RNF13: variants seen among roughly 807,000 people sequenced by gnomAD.
RNF13 encodes ring finger protein 13, also known as E3 ubiquitin-protein ligase RNF13.
A neutral mutation model predicts 37.7 loss-of-function variants in RNF13; 19 were observed. That is an observed-to-expected ratio of 0.50 (90% CI 0.35 to 0.74). The LOEUF (loss-of-function observed/expected upper bound fraction) is 0.74, where lower values mean the gene tolerates loss of function less well. Among genes scored for constraint, RNF13 ranks in the 30% least tolerant of loss-of-function variants. The pLI is 0.01. For synonymous variants in RNF13, 144 were observed against 157.8 expected, an observed-to-expected ratio of 0.91 and a Z score of 0.65; for missense variants, 375 against 453.0, an observed-to-expected ratio of 0.83 and a Z score of 1.56.
chr3:149,853,051 A>G (rs1444829238), intron 3 of RNF13, among the ~76,000 whole-genome samples: 1 of 152,124 alleles, frequency 6.6e-6, no homozygotes, highest in East Asian at 1.9e-4. Flanking sequence ...AAGGATTTAC[A>G]TTATTAATTG....
intron 4 of RNF13, among the ~76,000 whole-genome samples, chr3:149,883,657 G>C (rs1281629153): frequency 6.6e-6 from 1 of 150,944 alleles, no homozygotes; most frequent in Non-Finnish European, 1.5e-5. Flanking sequence ...CATGGTTATG[G>C]GTCACATTTT....
At chr3:149,921,528 A>T (rs998234183) in intron 8 of RNF13, among the ~76,000 whole-genome samples, 1 of 150,840 alleles carries the variant, frequency 6.6e-6, no homozygotes, top group Admixed American at 6.6e-5. Context: ...TTCACCTTCC[A>T]CTTATGAGTG....
chr3:149,947,435 C>T lies in RNF13; in HGVS notation c.701-12621C>T, dbSNP rs367655763. On this transcript the variant is annotated intron_variant, in intron 8 of 9. Transcript: ENST00000392894. The stretch of plus-strand genomic sequence containing the variant: ...TTTTTTTTTTTTAAAGGCGGAGTTT[C>T]GCTCTTTTGCCCAAGCTTGAGCGAA... Among the ~76,000 whole-genome samples, 12 of 150,076 alleles carry T rather than the reference C, an allele frequency of 8.0e-5. 1 individual carries two copies. Among genetic ancestry groups the T allele is most frequent in the African/African-American group, 2.2e-4 (9 of 40,676 alleles).
At chr3:149,870,366 C>T (rs1053172616) in intron 3 of RNF13, among the ~76,000 whole-genome samples, 6 of 151,472 alleles carry the variant, frequency 4.0e-5, no homozygotes, top group South Asian at 2.1e-4. Flanking sequence ...TTTTACTTCT[C>T]TGTGGCCCTG....
At chr3:149,906,212 T>C (rs1716377978) in intron 6 of RNF13, among the ~76,000 whole-genome samples, 1 of 152,262 alleles carries the variant, frequency 6.6e-6, no homozygotes, top group Admixed American at 6.5e-5. Flanking sequence ...ATACCATGTT[T>C]TGTTTATCTA....
intron 1 of RNF13, among the ~76,000 whole-genome samples, chr3:149,834,434 C>T (rs1721385512): frequency 6.6e-6 from 1 of 152,172 alleles, no homozygotes; most frequent in South Asian, 2.1e-4. Flanking sequence ...AGGAATAAAG[C>T]CTCACATACA....
chr3:149,937,482 T>C (rs1446306578), intron 8 of RNF13, among the ~76,000 whole-genome samples: 1 of 152,144 alleles, frequency 6.6e-6, no homozygotes, highest in East Asian at 1.9e-4. Context: ...CAGTTTTGAG[T>C]TCTGGAATAT....
intron 1 of RNF13, among the ~76,000 whole-genome samples, chr3:149,837,887 A>G (rs1721787765): frequency 6.6e-6 from 1 of 152,102 alleles, no homozygotes; most frequent in Admixed American, 6.5e-5. Flanking sequence ...CCAATGTCTC[A>G]TCTGAGACAA....
intron 8 of RNF13, chr3:149,939,834 G>C: frequency 3.9e-6 from 2 of 518,164 alleles, no homozygotes; most frequent in Non-Finnish European, 3.7e-6. Flanking sequence ...AGAGAAGGTG[G>C]ACAGAGATAA....
At chr3:149,890,000 C>T (rs377181264) in intron 4 of RNF13, among the ~76,000 whole-genome samples, 2 of 152,218 alleles carry the variant, frequency 1.3e-5, no homozygotes, top group African/African-American at 4.8e-5. Context: ...TAAGTTCTAA[C>T]CTGTTGTGTT....
intron 8 of RNF13, among the ~76,000 whole-genome samples, chr3:149,936,280 G>A (rs1196001630): frequency 6.6e-6 from 1 of 151,904 alleles, no homozygotes; most frequent in Admixed American, 6.6e-5. Context: ...TCTTTCTATA[G>A]ATCTGGAAAG....
At chr3:149,877,933 C>A (rs1712935888) in intron 4 of RNF13, among the ~76,000 whole-genome samples, 1 of 152,006 alleles carries the variant, frequency 6.6e-6, no homozygotes, top group South Asian at 2.1e-4. Context: ...AATATACTTG[C>A]ATTTTCATGA....
At chr3:149,893,858 G>A (rs576301300) in intron 4 of RNF13, 6 of 152,230 alleles carry the variant, frequency 3.9e-5, no homozygotes, top group African/African-American at 1.4e-4. Context: ...ACTTGTCACA[G>A]TTTTGTTGAC....
At chr3:149,853,119 A>C (rs1470897422) in intron 3 of RNF13, among the ~76,000 whole-genome samples, 2 of 151,992 alleles carry the variant, frequency 1.3e-5, no homozygotes, top group Non-Finnish European at 2.9e-5. Context: ...ACATTGCTTT[A>C]GTTTTTCATA....
At chr3:149,882,070 G>A (rs1713481554) in intron 4 of RNF13, among the ~76,000 whole-genome samples, 1 of 151,934 alleles carries the variant, frequency 6.6e-6, no homozygotes, top group Non-Finnish European at 1.5e-5. Context: ...ACTATTAGTA[G>A]AGTACCAGTG....
At chr3:149,910,641 A>C (rs1214896863) in intron 6 of RNF13, among the ~76,000 whole-genome samples, 2 of 152,222 alleles carry the variant, frequency 1.3e-5, no homozygotes, top group African/African-American at 4.8e-5. Context: ...TTATACTGAG[A>C]ACGATTGTTT....
chr3:149,947,508 G>A (rs1259291147), intron 8 of RNF13, among the ~76,000 whole-genome samples: 6 of 151,712 alleles, frequency 4.0e-5, no homozygotes, highest in Admixed American at 1.3e-4. Flanking sequence ...GGGCTTAAGC[G>A]ATTCTTCTGC....
At chr3:149,882,510 T>TAAGC (rs2108464442) in intron 4 of RNF13, among the ~76,000 whole-genome samples, 1 of 152,280 alleles carries the variant, frequency 6.6e-6, no homozygotes, top group South Asian at 2.1e-4. Context: ...CTCTAAATGT[T>TAAGC]ATTTTGTCAG....
intron 6 of RNF13, among the ~76,000 whole-genome samples, chr3:149,910,446 A>T (rs983679062): frequency 9.2e-5 from 14 of 152,116 alleles, no homozygotes; most frequent in Non-Finnish European, 1.8e-4. Flanking sequence ...ATTGGGGTAA[A>T]TTCCTGGTAT....
Sources: gnomAD v4.1 joint callset for allele counts (sites outside exome capture counted in the v4.1 genomes callset) on GRCh38, gnomAD v4.1.1 for gene constraint, MANE v1.5 for transcripts, NCBI Gene and HGNC (gene_info 2026-07-23, HGNC 2026-07-21) for gene names.